The following WAC variants were observed in gnomAD, a reference collection of about 807,000 sequenced individuals.
WAC encodes WW domain containing adaptor with coiled-coil, also known as WW domain-containing adapter protein with coiled-coil.
WAC carries 11 observed loss-of-function variants against 79.6 expected under a neutral mutation model. The ratio of observed to expected loss-of-function variants is 0.14; its 90% CI spans 0.09 to 0.23. The LOEUF is 0.23. WAC is among the 10% of genes least tolerant of loss of function. WAC has a pLI of 1.00. For synonymous variants in WAC, 304 were observed against 276.9 expected (o/e 1.10, Z -0.97); for missense variants, 728 against 773.5 (o/e 0.94, Z 0.70).
intron 4 of WAC, among the ~76,000 whole-genome samples, chr10:28,587,646 A>T (rs962795615): frequency 6.6e-6 from 1 of 152,252 alleles, no homozygotes; most frequent in Admixed American, 6.5e-5. Context: ...CTGCTATTGC[A>T]CATCGGCATT....
chr10:28,613,285 T>TGACCTGGGAAGTG (rs1841332943), intron 10 of WAC, among the ~76,000 whole-genome samples: 1 of 152,214 alleles, frequency 6.6e-6, no homozygotes, highest in Admixed American at 6.5e-5. Context: ...GAGAATCACT[T>TGACCTGGGAAGTG]GACCTGGGAA....
At chr10:28,540,971 T>TA (rs1357793268) in intron 3 of WAC, among the ~76,000 whole-genome samples, 2 of 152,184 alleles carry the variant, frequency 1.3e-5, no homozygotes, top group African/African-American at 4.8e-5. Context: ...TCATTTGTCT[T>TA]ACGCTTCTCA....
chr10:28,615,225 T>C (rs532558294), intron 11 of WAC: 6 of 152,374 alleles, frequency 3.9e-5, no homozygotes, highest in African/African-American at 1.2e-4. Context: ...TGACATTTGT[T>C]GAATGAATGG....
intron 7 of WAC, among the ~76,000 whole-genome samples, chr10:28,606,764 C>T (rs2132794856): frequency 6.6e-6 from 1 of 152,292 alleles, no homozygotes; most frequent in East Asian, 1.9e-4. Context: ...TCCTGATTTA[C>T]ATATATCTGA....
chr10:28,533,687 T>G, intron 1 of WAC, 67 bp downstream of exon 1: 1 of 1,472,028 alleles, frequency 6.8e-7, no homozygotes, highest in Non-Finnish European at 9.2e-7. Flanking sequence ...TGTTCCTCCT[T>G]ATCTGGAGCT....
chr10:28,595,433 GTGTTT>G (rs1840310708), intron 6 of WAC, among the ~76,000 whole-genome samples: 1 of 151,004 alleles, frequency 6.6e-6, no homozygotes, highest in South Asian at 2.1e-4. Flanking sequence ...TTTTTTTTTT[GTGTTT>G]TGTTTGAACT....
At chr10:28,542,078 T>A (rs1300065602) in intron 3 of WAC, among the ~76,000 whole-genome samples, 3 of 152,180 alleles carry the variant, frequency 2.0e-5, no homozygotes, top group Non-Finnish European at 2.9e-5. Flanking sequence ...TTGTTTGTGC[T>A]ACTCTCTCCA....
At chr10:28,539,819 A>C (rs1332004236) in intron 3 of WAC, among the ~76,000 whole-genome samples, 1 of 152,126 alleles carries the variant, frequency 6.6e-6, no homozygotes, top group South Asian at 2.1e-4. Flanking sequence ...TCGGCCTCCC[A>C]AAGTGCTAGG....
At chr10:28,538,996 T>C (rs1836851308) in intron 3 of WAC, among the ~76,000 whole-genome samples, 1 of 152,146 alleles carries the variant, frequency 6.6e-6, no homozygotes, top group African/African-American at 2.4e-5. Context: ...GCAGGTTACT[T>C]ACTATATGCA....
chr10:28,582,541 AG>A (rs1294862894), intron 3 of WAC, among the ~76,000 whole-genome samples: 1 of 152,184 alleles, frequency 6.6e-6, no homozygotes, highest in Non-Finnish European at 1.5e-5. Context: ...TGTTCATAAT[AG>A]TGTAGCCTCC....
Position 28,575,338 on chromosome 10 carries a change from A to G in WAC, c.275-8061A>G, listed in dbSNP as rs538915109. ...AGTACCCAATGTTTTGTTTGTATAT[A>G]TGATGTGCTTTTGTTCTTTTTTATG... On this transcript the variant is annotated intron_variant, in intron 3 of 13. Transcript: ENST00000354911. Among the ~76,000 whole-genome samples the G allele has an allele frequency of 2.0e-4, 30 of 152,220 alleles. No homozygotes were observed. In the South Asian group the frequency reaches 5.2e-3, roughly 26 times the overall value.
At chr10:28,590,979 C>A in intron 6 of WAC, 147 bp downstream of exon 6, 1 of 719,088 alleles carries the variant, frequency 1.4e-6, no homozygotes, top group Non-Finnish European at 2.3e-6. Flanking sequence ...TTATACCCTC[C>A]ACCATTTTGG....
At chr10:28,541,571 T>C (rs915586579) in intron 3 of WAC, among the ~76,000 whole-genome samples, 1 of 151,980 alleles carries the variant, frequency 6.6e-6, no homozygotes, top group African/African-American at 2.4e-5. Context: ...ATATATTCTA[T>C]GAACAGTCCT....
Position 28,533,566 on chromosome 10 carries a change from C to G in WAC, c.-14C>G. The G allele has an allele frequency of 6.5e-7, 1 of 1,547,698 alleles. No homozygotes were observed. The highest frequency in any genetic ancestry group is 8.7e-7 in the Non-Finnish European group (1 of 1,143,434). ...CTCCCCCCTCCCCGACACACACTCA[C>G]AGGCCGGGCATTGATGGTAATGTAT... is the stretch of plus-strand genomic sequence containing the variant. On this transcript the variant is annotated 5_prime_UTR_variant, in exon 1 of 14. Coordinates refer to ENST00000354911, the MANE Select transcript of WAC (RefSeq NM_016628.5).
chr10:28,608,742 ACAAT>A (rs1252491674), intron 8 of WAC: 1 of 226,496 alleles, frequency 4.4e-6, no homozygotes, highest in East Asian at 1.0e-4. Context: ...TTACATTAAA[ACAAT>A]CGAGCGTTTG....
chr10:28,535,497 TTTAAA>T lies in WAC; in HGVS notation c.79-61_79-57del, dbSNP rs1198910351. 6.1e-6 allele frequency: 9 copies of T among 1,468,944 alleles called. No individual in the cohort carries two copies. The Admixed American group carries it at 7.2e-5, about 12-fold the overall frequency. 91.0% of individuals were successfully genotyped at this position (1,468,944 alleles called of 1,614,324 possible). On this transcript the variant is annotated intron_variant, in intron 2 of 13. Coordinates refer to ENST00000354911, the MANE Select transcript of WAC (RefSeq NM_016628.5). ...TAATGATAATACACCAAAGTTTATG[TTTAAA>T]TTAGGGAGTTTAAGGTTTCAATTCT... is the stretch of plus-strand genomic sequence containing the variant.
chr10:28,581,068 T>C (rs1026966084), intron 3 of WAC, among the ~76,000 whole-genome samples: 1 of 152,096 alleles, frequency 6.6e-6, no homozygotes, highest in African/African-American at 2.4e-5. Context: ...GAATGTTGTC[T>C]ACCAGGGAAG....
At chr10:28,559,135 G>GGTGTGTGTGTGTGTGTGTGTGT (rs750941388) in intron 3 of WAC, among the ~76,000 whole-genome samples, 140 of 64,802 alleles carry the variant, frequency 2.2e-3, no homozygotes, top group African/African-American at 9.4e-3. Flanking sequence ...CGAGAAACCT[G>GGTGTGTGTGTGTGTGTGTGTGT]ATGTGTGTGT....
upstream of WAC, chr10:28,532,949 A>T (rs145704766): frequency 6.5e-6 from 1 of 153,188 alleles, no homozygotes; most frequent in Non-Finnish European, 1.5e-5. Flanking sequence ...GAAAGGGCAG[A>T]CTGGTCGCGA....
Sources: allele counts gnomAD v4.1 joint callset (sites outside exome capture counted in the v4.1 genomes callset), GRCh38; gene constraint gnomAD v4.1.1; transcripts MANE v1.5; gene names NCBI Gene and HGNC (gene_info 2026-07-23, HGNC 2026-07-21).